The following VPS13A variants were observed in gnomAD, a reference collection of about 807,000 sequenced individuals.
VPS13A encodes intermembrane lipid transfer protein VPS13A.
VPS13A carries 264 observed loss-of-function variants against 390.9 expected under a neutral mutation model. The observed-to-expected ratio is 0.68, with a 90% confidence interval of 0.61 to 0.75. The LOEUF (loss-of-function observed/expected upper bound fraction) is 0.75. VPS13A is among the 30% of genes least tolerant of loss of function. The pLI is 0.00. For synonymous variants in VPS13A, 1,231 were observed against 1,227.1 expected (o/e 1.00, Z -0.07); for missense variants, 3,409 against 3,733.9 (o/e 0.91, Z 2.27).
intron 27 of VPS13A, 121 bp downstream of exon 27, chr9:77,280,359 CCTAATA>C (rs1445169642): frequency 2.6e-6 from 2 of 760,116 alleles, no homozygotes; most frequent in Non-Finnish European, 4.3e-6. Context: ...CTTTGTAACT[CCTAATA>C]CTAAGGTTTT....
chr9:77,195,641 G>GCAGGAGAATCA (rs1245323201), intron 1 of VPS13A, among the ~76,000 whole-genome samples: 4 of 152,124 alleles, frequency 2.6e-5, no homozygotes, highest in Admixed American at 2.6e-4. Flanking sequence ...GGAGGCTGAG[G>GCAGGAGAATCA]CAGGAGAATC....
Position 77,405,847 on chromosome 9 carries a change from T to A in VPS13A, c.9276-17T>A. ...TCAATTTTAAAGCGAATTCTTTTTT[T>A]GTTTTTCTTTTTGCAGTGGTGTATT... On this transcript the variant is annotated splice_polypyrimidine_tract_variant and intron_variant, in intron 69 of 71. Transcript: ENST00000360280. 1 of 1,612,224 alleles carries A rather than the reference T, an allele frequency of 6.2e-7. No individual in the cohort carries two copies.
At chr9:77,404,519 C>T (rs547706923) in intron 69 of VPS13A, among the ~76,000 whole-genome samples, 1 of 152,302 alleles carries the variant, frequency 6.6e-6, no homozygotes, top group Admixed American at 6.5e-5. Context: ...AATTTTCCAT[C>T]ATGTTTTTAG....
At chr9:77,186,981 T>C (rs1318932498) in intron 1 of VPS13A, among the ~76,000 whole-genome samples, 1 of 152,260 alleles carries the variant, frequency 6.6e-6, no homozygotes, top group Non-Finnish European at 1.5e-5. Context: ...AATTATACAG[T>C]ATTTGCCATT....
intron 1 of VPS13A, among the ~76,000 whole-genome samples, chr9:77,193,024 GA>G (rs1824774793): frequency 6.6e-6 from 1 of 152,112 alleles, no homozygotes; most frequent in South Asian, 2.1e-4. Flanking sequence ...GTTTTTGGGA[GA>G]TTTTTTTCCA....
At chr9:77,199,487 G>A (rs1825201108) in intron 1 of VPS13A, among the ~76,000 whole-genome samples, 1 of 152,018 alleles carries the variant, frequency 6.6e-6, no homozygotes, top group South Asian at 2.1e-4. Flanking sequence ...TAGACATTCT[G>A]TTCTATTATT....
rs186893762 is a variant in VPS13A at position 77,398,876 on chromosome 9, A to G, written c.9190-4360A>G. ...GTTCATATCCTTTGTAGGGACATGG[A>G]TGAAATTGGAAACCATCATTCTCAG... On this transcript the variant is annotated intron_variant, in intron 68 of 71. Transcript: ENST00000360280. 4.8e-3 allele frequency among the ~76,000 whole-genome samples: 726 copies of G among 151,578 alleles called. 6 individuals carry two copies. The highest frequency in any genetic ancestry group is 0.017 in the African/African-American group (688 of 41,298).
intron 44 of VPS13A, among the ~76,000 whole-genome samples, chr9:77,322,529 A>C (rs192883692): frequency 1.0e-4 from 15 of 150,492 alleles, no homozygotes; most frequent in Non-Finnish European, 5.9e-5. Flanking sequence ...TGTTCTTATA[A>C]ATTTTACGTC....
intron 45 of VPS13A, among the ~76,000 whole-genome samples, chr9:77,331,690 T>A (rs1329125009): frequency 6.6e-6 from 1 of 151,920 alleles, no homozygotes; most frequent in Non-Finnish European, 1.5e-5. Context: ...TTTCTGTGAA[T>A]TTTTTTCTAC....
chr9:77,242,342 T>C (rs80355446), intron 19 of VPS13A, among the ~76,000 whole-genome samples: 2,763 of 152,256 alleles, frequency 0.018, 114 homozygotes, highest in East Asian at 0.13. Context: ...AGTTGTCTTT[T>C]GTTAGGCAAT....
chr9:77,409,478 G>A (rs1409397630), intron 71 of VPS13A, among the ~76,000 whole-genome samples: 1 of 152,150 alleles, frequency 6.6e-6, no homozygotes, highest in Non-Finnish European at 1.5e-5. Flanking sequence ...AGAGAAGAAG[G>A]CTTCAGATGA....
intron 27 of VPS13A, among the ~76,000 whole-genome samples, chr9:77,281,144 G>A (rs747103197): frequency 6.6e-6 from 1 of 152,044 alleles, no homozygotes; most frequent in Non-Finnish European, 1.5e-5. Context: ...TGGGAGGGAG[G>A]GAAGGAGAGG....
At chr9:77,358,250 T>A (rs1020999748) in intron 56 of VPS13A, 107 bp from the exon 57 acceptor site, 1 of 999,836 alleles carries the variant, frequency 1.0e-6, no homozygotes, top group Non-Finnish European at 1.5e-6. Context: ...GCCACCGTGC[T>A]TGGTCACCGC....
chr9:77,316,497 C>A, intron 39 of VPS13A, 91 bp downstream of exon 39: 1 of 1,045,362 alleles, frequency 9.6e-7, no homozygotes, highest in South Asian at 1.3e-5. Flanking sequence ...TACATGCTTT[C>A]CAACCTTGCT....
At chr9:77,225,083 C>G (rs1004997464) in intron 13 of VPS13A, among the ~76,000 whole-genome samples, 2 of 152,080 alleles carry the variant, frequency 1.3e-5, no homozygotes, top group Non-Finnish European at 2.9e-5. Flanking sequence ...TGCCATTGCA[C>G]CCTTAATAGA....
At chr9:77,329,728 T>TA (rs1227584836) in intron 45 of VPS13A, among the ~76,000 whole-genome samples, 12 of 152,160 alleles carry the variant, frequency 7.9e-5, no homozygotes, top group Non-Finnish European at 1.5e-4. Context: ...CTTTAATTTG[T>TA]AAAAAATGAA....
chr9:77,293,354 C>T lies in VPS13A; in HGVS notation c.3353C>T (p.Thr1118Ile), dbSNP rs1175590089. ...TCTCTTATTAAGGCTGTTTATATCA[C>T]TGGAAAAGAAGTTTTCAGCTTCAAA... The part of the protein sequence containing the change: ...TAIYKKAVYI[T>I]GKEVFSFKMV... Residue 1118 changes from threonine to isoleucine, a missense_variant, in exon 32 of 72, where the codon ACT becomes ATT. Thr to Ile is a moderately conservative substitution (Grantham distance 89). Around this residue, in one of 5 missense-constraint regions of VPS13A, gnomAD observed 2,717 missense variants for 2,917.4 expected, o/e 0.93. Coordinates refer to ENST00000360280, the MANE Select transcript of VPS13A (RefSeq NM_033305.3). 4.3e-6 allele frequency: 7 copies of T among 1,611,896 alleles called. No homozygotes were observed. Among genetic ancestry groups the T allele is most frequent in the Non-Finnish European group, 5.9e-6 (7 of 1,178,896 alleles).
intron 23 of VPS13A, among the ~76,000 whole-genome samples, chr9:77,266,315 G>A (rs887140208): frequency 4.6e-5 from 7 of 152,156 alleles, no homozygotes; most frequent in Admixed American, 4.6e-4. Flanking sequence ...AGGTCCACTT[G>A]GTCCAGAGCT....
intron 68 of VPS13A, among the ~76,000 whole-genome samples, chr9:77,391,480 G>GTTTTGTTTTTGTCAGTTAAGAATC (rs1833896403): frequency 6.6e-6 from 1 of 152,060 alleles, no homozygotes; most frequent in Non-Finnish European, 1.5e-5. Flanking sequence ...GTTTTTTGGT[G>GTTTTGTTTTTGTCAGTTAAGAATC]TTTTGTTTTT....
Sources: allele counts gnomAD v4.1 joint callset (sites outside exome capture counted in the v4.1 genomes callset), GRCh38; gene constraint gnomAD v4.1.1; regional missense constraint gnomAD v4.1.1; transcripts MANE v1.5; gene names NCBI Gene and HGNC (gene_info 2026-07-23, HGNC 2026-07-21).